CD2AP: variants seen among roughly 807,000 people sequenced by gnomAD.
CD2AP encodes the protein CD2 associated protein, also known as CD2-associated protein.
Under a neutral mutation model 85.1 loss-of-function variants are expected in CD2AP, and 46 were observed. That is an observed-to-expected ratio of 0.54 (90% CI 0.43 to 0.69). The LOEUF (loss-of-function observed/expected upper bound fraction) is 0.69, where lower values mean the gene tolerates loss of function less well. Ranked by LOEUF, CD2AP falls within the 30% of genes least tolerant of loss-of-function variation. The pLI, the probability that CD2AP is intolerant of heterozygous loss-of-function variation, is 0.00. For missense variants in CD2AP, 769 were observed against 729.5 expected (o/e 1.05, Z -0.62); for synonymous variants, 255 against 252.9 (o/e 1.01, Z -0.08).
chr6:47,585,751 A>C (rs1198942283), intron 11 of CD2AP, among the ~76,000 whole-genome samples: 1 of 151,622 alleles, frequency 6.6e-6, no homozygotes, highest in Non-Finnish European at 1.5e-5. Context: ...TCCATAATGG[A>C]GAAATAACCA....
At chr6:47,571,064 G>A (rs1417277192) in intron 5 of CD2AP, among the ~76,000 whole-genome samples, 1 of 151,754 alleles carries the variant, frequency 6.6e-6, no homozygotes, top group East Asian at 1.9e-4. Flanking sequence ...TACTCAAACT[G>A]TGAAAATTGT....
intron 8 of CD2AP, 31 bp from the exon 9 acceptor site, chr6:47,579,354 A>G (rs761792087): frequency 1.9e-5 from 20 of 1,026,884 alleles, no homozygotes; most frequent in Non-Finnish European, 2.6e-5. Flanking sequence ...AAAAAGGTCT[A>G]TTGTCTTAAT....
chr6:47,515,419 C>T (rs1766428084), intron 2 of CD2AP, among the ~76,000 whole-genome samples: 1 of 152,156 alleles, frequency 6.6e-6, no homozygotes, highest in African/African-American at 2.4e-5. Context: ...AGGCTAATAA[C>T]ACTTTATATC....
chr6:47,597,354 C>T (rs1768980204), intron 12 of CD2AP, among the ~76,000 whole-genome samples: 1 of 150,424 alleles, frequency 6.6e-6, no homozygotes, highest in Non-Finnish European at 1.5e-5. Context: ...CTTTCTCAGG[C>T]CTTGCTGCAG....
At chr6:47,520,737 T>G (rs1334170994) in intron 2 of CD2AP, among the ~76,000 whole-genome samples, 2 of 148,084 alleles carry the variant, frequency 1.4e-5, no homozygotes, top group African/African-American at 5.0e-5. Context: ...ACAGTTTTTT[T>G]TTTTTTTTTT....
intron 12 of CD2AP, 72 bp from the exon 13 acceptor site, chr6:47,599,228 GT>G: frequency 7.7e-7 from 1 of 1,292,842 alleles, no homozygotes; most frequent in East Asian, 2.3e-5. Flanking sequence ...AATCTTTAAT[GT>G]CATTAAATCA....
In CD2AP at chr6:47,619,230, C is replaced by T. The variant is rs192318149; in HGVS notation, c.1879-4956C>T. Among the ~76,000 whole-genome samples the T allele has an allele frequency of 2.6e-5, 4 of 152,226 alleles. No individual in the cohort carries two copies. The South Asian group carries it at 8.3e-4, about 32-fold the overall frequency. ...TCTTTCATCCCTCGCCCCCTTCCCA[C>T]TCTTCAACTCAAGTCCCCAAAGTCT... is the stretch of plus-strand genomic sequence containing the variant. On this transcript the variant is annotated intron_variant, in intron 17 of 17. Coordinates refer to ENST00000359314, the MANE Select transcript of CD2AP (RefSeq NM_012120.3).
At chr6:47,516,202 A>G (rs751911376) in intron 2 of CD2AP, among the ~76,000 whole-genome samples, 2 of 149,472 alleles carry the variant, frequency 1.3e-5, no homozygotes, top group Non-Finnish European at 2.9e-5. Flanking sequence ...CTTTCATGCA[A>G]AGTTTGGTCC....
At chr6:47,539,499 T>A (rs1449519205) in intron 3 of CD2AP, among the ~76,000 whole-genome samples, 1 of 152,192 alleles carries the variant, frequency 6.6e-6, no homozygotes, top group East Asian at 1.9e-4. Context: ...TATGTCAAAG[T>A]ACTGTGTAAT....
intron 11 of CD2AP, among the ~76,000 whole-genome samples, chr6:47,589,565 C>CATATATATATATATAT (rs1554182282): frequency 3.4e-4 from 41 of 120,968 alleles, no homozygotes; most frequent in Admixed American, 4.1e-4. Context: ...CACACACACA[C>CATATATATATATATAT]ATATATATAT....
rs545890024 is a variant in CD2AP at position 47,598,371 on chromosome 6, A to G, written c.1275-930A>G. On this transcript the variant is annotated intron_variant, in intron 12 of 17. Transcript: ENST00000359314. ...TCCTTAAAGAACTAAAAGCAGATCTACCATTTGATCCAGCAATCCCACTAC... is the reference window on the plus strand; with the variant it reads ...TCCTTAAAGAACTAAAAGCAGATCTGCCATTTGATCCAGCAATCCCACTAC... Among the ~76,000 whole-genome samples, 124 of 151,260 alleles carry G rather than the reference A, an allele frequency of 8.2e-4. 2 individuals are homozygous for G. The highest frequency in any genetic ancestry group is 2.5e-3 in the African/African-American group (103 of 41,470).
intron 4 of CD2AP, among the ~76,000 whole-genome samples, chr6:47,545,523 A>G (rs1047730747): frequency 1.1e-4 from 16 of 152,120 alleles, no homozygotes; most frequent in African/African-American, 3.6e-4. Context: ...TGAAAGTGCC[A>G]TCTCCCAGCA....
intron 2 of CD2AP, among the ~76,000 whole-genome samples, chr6:47,527,129 A>C (rs1285018520): frequency 6.6e-6 from 1 of 151,788 alleles, no homozygotes; most frequent in Admixed American, 6.6e-5. Context: ...AAAAATATTC[A>C]TTGTTCTTTT....
At chr6:47,484,096 C>T (rs1765509917) in intron 1 of CD2AP, among the ~76,000 whole-genome samples, 1 of 151,964 alleles carries the variant, frequency 6.6e-6, no homozygotes, top group South Asian at 2.1e-4. Context: ...GTGTACCTGT[C>T]TTTGGCAATA....
chr6:47,513,219 G>A (rs975921091), intron 2 of CD2AP, among the ~76,000 whole-genome samples: 1 of 150,260 alleles, frequency 6.7e-6, no homozygotes, highest in African/African-American at 2.5e-5. Context: ...TTACAGTTCT[G>A]GCATTGAGGG....
At chr6:47,579,965 G>A (rs767969354) in intron 9 of CD2AP, 18 of 163,340 alleles carry the variant, frequency 1.1e-4, no homozygotes, top group Non-Finnish European at 2.2e-4. Flanking sequence ...TTCATCAGTG[G>A]TCTTTTGCCT....
At chr6:47,620,627 A>G (rs1482002242) in intron 17 of CD2AP, among the ~76,000 whole-genome samples, 1 of 152,046 alleles carries the variant, frequency 6.6e-6, no homozygotes, top group Non-Finnish European at 1.5e-5. Context: ...GAATTTGTAC[A>G]TGGCTTTTGA....
chr6:47,575,583 G>C (rs1768286833), intron 6 of CD2AP, among the ~76,000 whole-genome samples: 1 of 152,164 alleles, frequency 6.6e-6, no homozygotes, highest in Non-Finnish European at 1.5e-5. Flanking sequence ...ACTAAAGTAA[G>C]TATTTTAGAA....
At chr6:47,578,749 C>T (rs780290842) in intron 8 of CD2AP, among the ~76,000 whole-genome samples, 11 of 149,568 alleles carry the variant, frequency 7.4e-5, no homozygotes, top group Non-Finnish European at 1.5e-4. Flanking sequence ...CTCTGCCTCC[C>T]GAGTTCAAGC....
Sources: gnomAD v4.1 joint callset for allele counts (sites outside exome capture counted in the v4.1 genomes callset) on GRCh38, gnomAD v4.1.1 for gene constraint, MANE v1.5 for transcripts, NCBI Gene and HGNC (gene_info 2026-07-23, HGNC 2026-07-21) for gene names.